INSYN2B: variants seen among roughly 807,000 people sequenced by gnomAD.
INSYN2B encodes inhibitory synaptic factor family member 2B.
Under a neutral mutation model 41.2 loss-of-function variants are expected in INSYN2B, and 16 were observed. The ratio of observed to expected loss-of-function variants is 0.39; its 90% confidence interval spans 0.26 to 0.59. The LOEUF is 0.59. Ranked by LOEUF, INSYN2B falls within the 20% of genes least tolerant of loss-of-function variation. The pLI is 0.57. For synonymous variants in INSYN2B, 245 were observed against 244.4 expected, an observed-to-expected ratio of 1.00 and a Z score of -0.02; for missense variants, 608 against 646.4, an observed-to-expected ratio of 0.94 and a Z score of 0.64.
At chr5:169,941,356 T>C (rs1776238350) in intron 1 of INSYN2B, among the ~76,000 whole-genome samples, 3 of 152,102 alleles carry the variant, frequency 2.0e-5, no homozygotes, top group Admixed American at 1.3e-4. Context: ...TACAGGCCTG[T>C]GCCCCCAGGC....
intron 1 of INSYN2B, among the ~76,000 whole-genome samples, chr5:169,939,512 C>T (rs1457067505): frequency 6.6e-6 from 1 of 152,102 alleles, no homozygotes; most frequent in Non-Finnish European, 1.5e-5. Context: ...AAACCAGTAA[C>T]AGTCGTTTAT....
intron 1 of INSYN2B, among the ~76,000 whole-genome samples, chr5:169,889,816 G>T (rs991843233): frequency 2.6e-5 from 4 of 152,170 alleles, no homozygotes; most frequent in African/African-American, 9.7e-5. Flanking sequence ...ATTTGGCCTG[G>T]GAGCCATAGT....
intron 1 of INSYN2B, among the ~76,000 whole-genome samples, chr5:169,930,102 T>A (rs1429862453): frequency 1.3e-5 from 2 of 152,206 alleles, no homozygotes; most frequent in Non-Finnish European, 2.9e-5. Flanking sequence ...GTGATTCCCC[T>A]GCCTCAGCCT....
chr5:169,881,253 T>C, intron 3 of INSYN2B, 115 bp downstream of exon 3: 1 of 824,098 alleles, frequency 1.2e-6, no homozygotes, highest in Non-Finnish European at 2.0e-6. Flanking sequence ...CATTTCATAG[T>C]TAAATACCTT....
At chr5:169,904,518 G>A (rs1774159233) in intron 1 of INSYN2B, among the ~76,000 whole-genome samples, 1 of 152,076 alleles carries the variant, frequency 6.6e-6, no homozygotes, top group African/African-American at 2.4e-5. Flanking sequence ...GCCTGAGGGA[G>A]TGAGGTGGGA....
chr5:169,962,835 G>A (rs536876329), intron 1 of INSYN2B, among the ~76,000 whole-genome samples: 18 of 152,268 alleles, frequency 1.2e-4, no homozygotes, highest in Middle Eastern at 3.4e-3. Context: ...AAAGGGTATC[G>A]AGGCCAGACT....
intron 1 of INSYN2B, among the ~76,000 whole-genome samples, chr5:169,939,618 C>T (rs113295181): frequency 0.044 from 6,644 of 152,168 alleles, 215 homozygotes; most frequent in Non-Finnish European, 0.066. Context: ...GTGAGTGATG[C>T]ATTGTGTTAT....
intron 3 of INSYN2B, among the ~76,000 whole-genome samples, chr5:169,880,994 G>A (rs1772609452): frequency 6.6e-6 from 1 of 152,180 alleles, no homozygotes; most frequent in Non-Finnish European, 1.5e-5. Context: ...TCACAGGTTT[G>A]GGATTTGAAA....
intron 3 of INSYN2B, among the ~76,000 whole-genome samples, chr5:169,869,915 G>A (rs1412224561): frequency 2.0e-5 from 3 of 152,168 alleles, no homozygotes; most frequent in Non-Finnish European, 4.4e-5. Flanking sequence ...TTCCATGCAG[G>A]ATCGTAAGAA....
At chr5:169,912,837 ACTT>A (rs902180852) in intron 1 of INSYN2B, among the ~76,000 whole-genome samples, 7 of 151,828 alleles carry the variant, frequency 4.6e-5, no homozygotes, top group African/African-American at 1.7e-4. Context: ...TCTAGGAGGT[ACTT>A]CTTTTTTTTT....
At chr5:169,912,102 C>T (rs1042259530) in intron 1 of INSYN2B, among the ~76,000 whole-genome samples, 1 of 152,182 alleles carries the variant, frequency 6.6e-6, no homozygotes, top group African/African-American at 2.4e-5. Context: ...ATCCACTGAG[C>T]CACTCTTGGT....
In INSYN2B at chr5:169,864,244, TG is replaced by T; in HGVS notation, c.*28del. The T allele has an allele frequency of 6.5e-7, 1 of 1,542,140 alleles. No individual in the cohort carries two copies. The highest frequency in any genetic ancestry group is 8.8e-7 in the Non-Finnish European group (1 of 1,138,490). On this transcript the variant is annotated 3_prime_UTR_variant, in exon 4 of 4. Coordinates refer to ENST00000377365, the MANE Select transcript of INSYN2B (RefSeq NM_001129891.3). ...CCCATCTCAGGGAAGTGCGTGGAGT[TG>T]GGGGGCTGGGGGATGGTCCCAACCA... is the stretch of plus-strand genomic sequence containing the variant.
At position 169,965,517 on chromosome 5, in the gene INSYN2B, T is replaced by C. The variant is rs559612295; in HGVS notation, c.-919+14760A>G. On this transcript the variant is annotated intron_variant, in intron 1 of 3. Coordinates refer to ENST00000377365, the MANE Select transcript of INSYN2B (RefSeq NM_001129891.3). ...GGTCAGCATGGCTCATTTTTGTCTA[T>C]TGAGCTCACTCACCCTTAAGAGCAG... Among the ~76,000 whole-genome samples, 63 of 152,354 alleles carry C rather than the reference T, an allele frequency of 4.1e-4. No individual in the cohort carries two copies. In the Middle Eastern group the frequency reaches 0.01, roughly 25 times the overall value.
At chr5:169,895,153 C>T (rs1773524855) in intron 1 of INSYN2B, among the ~76,000 whole-genome samples, 1 of 152,216 alleles carries the variant, frequency 6.6e-6, no homozygotes, top group Non-Finnish European at 1.5e-5. Flanking sequence ...AATTGCCTCT[C>T]ACCTGATGGG....
At chr5:169,895,501 A>T (rs1210570861) in intron 1 of INSYN2B, among the ~76,000 whole-genome samples, 2 of 152,046 alleles carry the variant, frequency 1.3e-5, no homozygotes, top group Non-Finnish European at 2.9e-5. Context: ...GCCCCTAGAG[A>T]AAAGCAGCCA....
At chr5:169,968,042 G>C (rs1465100227) in intron 1 of INSYN2B, among the ~76,000 whole-genome samples, 2 of 152,148 alleles carry the variant, frequency 1.3e-5, no homozygotes, top group Admixed American at 1.3e-4. Context: ...AAATGTCCAG[G>C]AGGAAGTTGG....
chr5:169,977,438 TATC>T (rs1443730625), intron 1 of INSYN2B, among the ~76,000 whole-genome samples: 1 of 152,234 alleles, frequency 6.6e-6, no homozygotes, highest in Non-Finnish European at 1.5e-5. Flanking sequence ...TAGCTGCTAT[TATC>T]GAGGGCTTTC....
chr5:169,922,585 TA>T (rs1393195989), intron 1 of INSYN2B, among the ~76,000 whole-genome samples: 7 of 152,238 alleles, frequency 4.6e-5, no homozygotes, highest in African/African-American at 1.7e-4. Context: ...ATTTGCAGTT[TA>T]GAGAATATCA....
intron 3 of INSYN2B, among the ~76,000 whole-genome samples, chr5:169,874,447 G>C (rs1157917308): frequency 6.7e-6 from 1 of 149,034 alleles, no homozygotes. Context: ...TTGGTGGTCT[G>C]TGGAGTTTGA....
Sources: allele counts gnomAD v4.1 joint callset (sites outside exome capture counted in the v4.1 genomes callset), GRCh38; gene constraint gnomAD v4.1.1; transcripts MANE v1.5; gene names NCBI Gene and HGNC (gene_info 2026-07-23, HGNC 2026-07-21).